Variants in PAK1 observed in about 807,000 individuals in gnomAD.
PAK1 encodes the protein p21 (RAC1) activated kinase 1.
Under a neutral mutation model 67.4 loss-of-function variants are expected in PAK1, and 29 were observed. The observed-to-expected ratio is 0.43, with a 90% confidence interval of 0.32 to 0.59. The LOEUF (loss-of-function observed/expected upper bound fraction) is 0.59. PAK1 is among the 20% of genes least tolerant of loss of function. The pLI is 0.07. For missense variants in PAK1, 337 were observed against 670.7 expected (o/e 0.50, Z 5.50); for synonymous variants, 223 against 237.4 (o/e 0.94, Z 0.56).
At chr11:77,486,902 G>A in the PAK1 span, among the ~76,000 whole-genome samples, 71 of 152,236 alleles carry the variant, frequency 4.7e-4, no homozygotes, top group African/African-American at 1.7e-3. Context: ...CGGCAAGTCC[G>A]GGTGCTGTTC....
chr11:77,372,992 A>G (rs1171653181), intron 5 of PAK1, among the ~76,000 whole-genome samples: 1 of 151,618 alleles, frequency 6.6e-6, no homozygotes, highest in African/African-American at 2.4e-5. Flanking sequence ...GGCTTCATGA[A>G]GGTTAGCATG....
chr11:77,379,858 A>G (rs1419765060), intron 3 of PAK1, 36 bp downstream of exon 3: 1 of 1,405,284 alleles, frequency 7.1e-7, no homozygotes. Context: ...CCAGAACTCT[A>G]AAAGACTAAA....
intron 5 of PAK1, among the ~76,000 whole-genome samples, chr11:77,372,119 T>G (rs1157636012): frequency 1.3e-5 from 2 of 152,234 alleles, no homozygotes; most frequent in Non-Finnish European, 2.9e-5. Flanking sequence ...ATAAAGTTTT[T>G]AACACCGTGC....
the PAK1 span, among the ~76,000 whole-genome samples, chr11:77,480,358 G>A: frequency 1.3e-5 from 2 of 151,830 alleles, no homozygotes; most frequent in African/African-American, 4.8e-5. Flanking sequence ...TGGAGAAGCT[G>A]ACCAAGATAC....
At chr11:77,438,502 GAGCC>G (rs1477999843) in intron 1 of PAK1, among the ~76,000 whole-genome samples, 1 of 152,198 alleles carries the variant, frequency 6.6e-6, no homozygotes, top group Non-Finnish European at 1.5e-5. Flanking sequence ...TTTGTGGATG[GAGCC>G]CTTTACCTTC....
At chr11:77,482,678 C>T in the PAK1 span, among the ~76,000 whole-genome samples, 1 of 151,176 alleles carries the variant, frequency 6.6e-6, no homozygotes, top group Non-Finnish European at 1.5e-5. Flanking sequence ...ACTGCAGCCT[C>T]GACCTCCTGA....
upstream of PAK1, among the ~76,000 whole-genome samples, chr11:77,478,709 G>A (rs1176992308): frequency 6.6e-6 from 1 of 151,688 alleles, no homozygotes; most frequent in Non-Finnish European, 1.5e-5. Context: ...GAGCCCGGGA[G>A]GCAGAGGTTG....
intron 1 of PAK1, among the ~76,000 whole-genome samples, chr11:77,428,568 T>G (rs1955680897): frequency 7.0e-6 from 1 of 142,628 alleles, no homozygotes; most frequent in Non-Finnish European, 1.5e-5. Flanking sequence ...CAAGACTCCA[T>G]CTCAAAAAAA....
chr11:77,437,264 T>G (rs922287079), intron 1 of PAK1, among the ~76,000 whole-genome samples: 29 of 152,176 alleles, frequency 1.9e-4, no homozygotes, highest in Admixed American at 1.0e-3. Context: ...ATAGGTCAGG[T>G]ACTTAGCACA....
At chr11:77,492,123 T>C in the PAK1 span, among the ~76,000 whole-genome samples, 2 of 152,216 alleles carry the variant, frequency 1.3e-5, no homozygotes, top group Non-Finnish European at 2.9e-5. Context: ...GTCAGTCTTA[T>C]ACTGGGTTCT....
chr11:77,517,950 A>G, the PAK1 span, among the ~76,000 whole-genome samples: 2 of 152,146 alleles, frequency 1.3e-5, no homozygotes, highest in East Asian at 3.9e-4. Context: ...AATGAGAGCA[A>G]TGGGGAGGGG....
the PAK1 span, among the ~76,000 whole-genome samples, chr11:77,506,330 A>G: frequency 6.6e-6 from 1 of 152,308 alleles, no homozygotes; most frequent in South Asian, 2.1e-4. Flanking sequence ...TGTTATAGGT[A>G]GGAAAGTAAG....
chr11:77,379,562 A>T (rs1394786558), intron 3 of PAK1, 174 bp from the exon 4 acceptor site: 1 of 617,388 alleles, frequency 1.6e-6, no homozygotes, highest in African/African-American at 1.9e-5. Context: ...TTTCTCATTG[A>T]ATTAGTCATT....
intron 1 of PAK1, among the ~76,000 whole-genome samples, chr11:77,446,298 G>T (rs551346419): frequency 2.0e-5 from 3 of 152,050 alleles, no homozygotes; most frequent in Non-Finnish European, 4.4e-5. Context: ...GATCACCTGA[G>T]GCCAGGAGTT....
At chr11:77,348,250 A>C (rs1371044746) in intron 9 of PAK1, among the ~76,000 whole-genome samples, 1 of 152,158 alleles carries the variant, frequency 6.6e-6, no homozygotes, top group Non-Finnish European at 1.5e-5. Context: ...ATTATTGTGT[A>C]CTGGTACTCT....
chr11:77,470,189 T>C (rs527692026), intron 1 of PAK1, among the ~76,000 whole-genome samples: 7 of 152,318 alleles, frequency 4.6e-5, no homozygotes, highest in Non-Finnish European at 8.8e-5. Context: ...CAACTGCTGA[T>C]TCCACCTTGA....
chr11:77,396,322 G>A (rs925052728), intron 1 of PAK1, among the ~76,000 whole-genome samples: 1 of 152,162 alleles, frequency 6.6e-6, no homozygotes, highest in Non-Finnish European at 1.5e-5. Context: ...AATCTCCAAA[G>A]ACTGTCTCTT....
At chr11:77,379,103 C>T in intron 4 of PAK1, 138 bp downstream of exon 4, 1 of 724,498 alleles carries the variant, frequency 1.4e-6, no homozygotes, top group Non-Finnish European at 2.2e-6. Flanking sequence ...CTGTCAAATT[C>T]CAAAATTCCA....
chr11:77,438,670 G>A (rs1157324102), intron 1 of PAK1, among the ~76,000 whole-genome samples: 2 of 152,092 alleles, frequency 1.3e-5, no homozygotes, highest in African/African-American at 4.8e-5. Flanking sequence ...TTCTCTAAAA[G>A]AGCTGTTTAT....
Sources: allele counts gnomAD v4.1 joint callset (sites outside exome capture counted in the v4.1 genomes callset), GRCh38; gene constraint gnomAD v4.1.1; transcripts MANE v1.5; gene names NCBI Gene and HGNC (gene_info 2026-07-23, HGNC 2026-07-21).